The following DLL1 variants were observed in gnomAD, a reference collection of about 807,000 sequenced individuals.
DLL1 encodes delta-like protein 1.
A neutral mutation model predicts 75.1 loss-of-function variants in DLL1; 9 were observed. The ratio of observed to expected loss-of-function variants is 0.12; its 90% CI spans 0.07 to 0.21. DLL1 has a LOEUF of 0.21. Among genes scored for constraint, DLL1 ranks in the 10% least tolerant of loss-of-function variants. DLL1 has a pLI of 1.00. For synonymous variants in DLL1, 477 were observed against 418.3 expected (o/e 1.14, Z -1.71); for missense variants, 837 against 1,007.6 (o/e 0.83, Z 2.29).
intron 2 of DLL1, 147 bp downstream of exon 2, chr6:170,289,365 G>C: frequency 7.6e-7 from 1 of 1,317,452 alleles, no homozygotes; most frequent in Non-Finnish European, 1.0e-6. Flanking sequence ...GGAGTCCTGG[G>C]GCCGCCGCTA....
Position 170,283,452 on chromosome 6 carries a change from G to C in DLL1, c.1827C>G (p.Ala609=), listed in dbSNP as rs1438061753. The C allele has an allele frequency of 1.2e-6, 2 of 1,612,440 alleles. No homozygotes were observed. The highest frequency in any genetic ancestry group is 1.7e-6 in the Non-Finnish European group (2 of 1,180,030). Residue 609 remains alanine (A), a synonymous_variant, in exon 9 of 11, where the codon GCC becomes GCG. Coordinates refer to ENST00000366756, the MANE Select transcript of DLL1 (RefSeq NM_005618.4). ...TCTTGTTGGTGTTCTTGATCTGCGT[G>C]GCCCCGATGATGCTGACTGAGATGT... ...EKDISVSIIG[A]TQIKNTNKKA...
At position 170,291,054 on chromosome 6, in the gene DLL1, C is replaced by T. The variant is rs762467435; in HGVS notation, c.-915G>A. 2.8e-6 allele frequency: 2 copies of T among 702,042 alleles called. No individual in the cohort carries two copies. The highest frequency in any genetic ancestry group is 1.7e-5 in the African/African-American group (1 of 57,306). 43.5% of individuals were successfully genotyped at this position (702,042 alleles called of 1,614,324 possible). On this transcript the variant is annotated 5_prime_UTR_variant, in exon 1 of 11. Coordinates refer to ENST00000366756, the MANE Select transcript of DLL1 (RefSeq NM_005618.4). ...AGGAGCCACTTTTCCAAACCCTCCT[C>T]TCAATGGATCGCCAAATGGTCAGTG...
Position 170,282,735 on chromosome 6 carries a change from A to G in DLL1, c.*139T>C. ...CAGGCGTCGAGGACCTCAGGAGGAG[A>G]ACCTGCTCGGTCTGAACTCGGTTTC... is the stretch of plus-strand genomic sequence containing the variant. On this transcript the variant is annotated 3_prime_UTR_variant, in exon 11 of 11. Transcript: ENST00000366756. 1 of 1,456,086 alleles carries G rather than the reference A, an allele frequency of 6.9e-7. No homozygotes were observed. The highest frequency in any genetic ancestry group is 1.7e-5 in the Admixed American group (1 of 59,544). 90.2% of individuals were successfully genotyped at this position (1,456,086 alleles called of 1,614,324 possible). A position where few individuals can be genotyped will look rare whatever the true frequency, so the allele number is the denominator to read the frequency against.
At chr6:170,289,172 A>G in intron 2 of DLL1, 1 of 604,674 alleles carries the variant, frequency 1.7e-6, no homozygotes, top group Non-Finnish European at 3.0e-6. Flanking sequence ...TCGCGCCACC[A>G]ACGCGTCTAG....
At chr6:170,288,531 C>T (rs1481171040) in intron 3 of DLL1, 35 bp from the exon 4 acceptor site, 8 of 1,614,042 alleles carry the variant, frequency 5.0e-6, no homozygotes, top group South Asian at 3.3e-5. Context: ...TGGTTCTGAA[C>T]GAGAACCCTG....
At chr6:170,289,968 C>CCGGGCCGTGGCTGGCG in intron 1 of DLL1, 118 bp downstream of exon 1, 1 of 1,333,634 alleles carries the variant, frequency 7.5e-7, no homozygotes, top group Non-Finnish European at 9.6e-7. Context: ...GATTCATCTT[C>CCGGGCCGTGGCTGGCG]CGGGCCGTGG....
rs1330689257 is a variant in DLL1 at position 170,290,188 on chromosome 6, A to C, written c.-49T>G. The C allele has an allele frequency of 6.3e-7, 1 of 1,575,018 alleles. No individual in the cohort carries two copies. Among genetic ancestry groups the C allele is most frequent in the Admixed American group, 1.7e-5 (1 of 57,468 alleles). On this transcript the variant is annotated 5_prime_UTR_variant, in exon 1 of 11. Coordinates refer to ENST00000366756, the MANE Select transcript of DLL1 (RefSeq NM_005618.4). This position sits in a 1 kb window ranked among gnomAD's most constrained non-coding sequence, Gnocchi z 4.7. ...CTGGGGGGCCCCCACTTCTCTCCTT[A>C]GAACAGCGGCGGACGCGCGGGGGAT...
intron 1 of DLL1, 88 bp from the exon 2 acceptor site, chr6:170,289,896 T>C: frequency 7.0e-7 from 1 of 1,425,368 alleles, no homozygotes; most frequent in South Asian, 1.4e-5. Context: ...GCGGAGAGCC[T>C]GGAAGGGCTC....
chr6:170,284,874 G>T, intron 8 of DLL1, 45 bp downstream of exon 8: 2 of 1,591,736 alleles, frequency 1.3e-6, no homozygotes, highest in South Asian at 1.1e-5. Flanking sequence ...CCTCAGTATT[G>T]ACCGCTCGCC....
At chr6:170,286,364 T>C (rs1783694226) in intron 4 of DLL1, 66 bp from the exon 5 acceptor site, 1 of 1,598,490 alleles carries the variant, frequency 6.3e-7, no homozygotes, top group Non-Finnish European at 8.6e-7. Flanking sequence ...CTGCCGCCCT[T>C]GGGGCCAGGA....
At position 170,289,521 on chromosome 6, in the gene DLL1, G is replaced by A; in HGVS notation, c.342C>T (p.Phe114=). The part of the protein sequence containing the change: ...FSNPIRFPFG[F]TWPGTFSLII... The stretch of plus-strand genomic sequence containing the variant: ...CAGGTGCGGCACTCACCGGCCAGGT[G>A]AAGCCGAAGGGGAAGCGGATGGGGT... Residue 114 remains phenylalanine (F), a synonymous_variant, in exon 2 of 11, where the codon TTC becomes TTT. Transcript: ENST00000366756. 6.5e-7 allele frequency: 1 copy of A among 1,534,626 alleles called. No individual in the cohort carries two copies. Among genetic ancestry groups the A allele is most frequent in the South Asian group, 1.2e-5 (1 of 84,022 alleles).
Position 170,289,695 on chromosome 6 carries a change from G to A in DLL1, c.168C>T (p.Cys56=), listed in dbSNP as rs1248063937. The A allele has an allele frequency of 3.2e-6, 5 of 1,547,310 alleles. No individual in the cohort carries two copies. The highest frequency in any genetic ancestry group is 2.4e-5 in the East Asian group (1 of 40,914). ...RGGAGPPPCA[C]RTFFRVCLKH... ...TGAGGCACACGCGGAAGAAGGTCCGGCAGGCGCACGGCGGTGGCCCCGCGC... is the reference window on the plus strand; with the variant it reads ...TGAGGCACACGCGGAAGAAGGTCCGACAGGCGCACGGCGGTGGCCCCGCGC... The change falls in exon 2 of 11, where the codon TGC becomes TGT. Residue 56 remains cysteine (C), a synonymous_variant. Transcript: ENST00000366756.
At chr6:170,285,167 C>T in intron 7 of DLL1, 32 bp from the exon 8 acceptor site, 1 of 1,613,716 alleles carries the variant, frequency 6.2e-7, no homozygotes, top group Non-Finnish European at 8.5e-7. Context: ...AAAGGCTTTC[C>T]AAAGTTGCTC....
rs770360301 is a variant in DLL1 at position 170,283,308 on chromosome 6, C to T, written c.1971G>A (p.Ala657=). Residue 657 remains alanine, a synonymous_variant, in exon 9 of 11, where the codon GCG becomes GCA. Coordinates refer to ENST00000366756, the MANE Select transcript of DLL1 (RefSeq NM_005618.4). ...LKGDDTAVRD[A]HSKRDTKCQP... ...GGCACTTGGTGTCACGCTTGCTGTG[C>T]GCGTCCCTGACGGCGGTGTCGTCAC... 26 of 1,613,022 alleles carry T rather than the reference C, an allele frequency of 1.6e-5. No homozygotes were observed. The highest frequency in any genetic ancestry group is 7.7e-5 in the South Asian group (7 of 91,090).
chr6:170,290,815 C>T lies in DLL1; in HGVS notation c.-676G>A, dbSNP rs1277251276. ...CAGCCAATGCCATCCAGTACACACG[C>T]GCAGGACCGGAGGGGCCGGGCCGTG... On this transcript the variant is annotated 5_prime_UTR_variant, in exon 1 of 11. Coordinates refer to ENST00000366756, the MANE Select transcript of DLL1 (RefSeq NM_005618.4). The surrounding 1 kb of genome is among the most constrained non-coding windows in gnomAD (Gnocchi z 4.7). The T allele has an allele frequency of 1.6e-6, 1 of 608,012 alleles. No individual in the cohort carries two copies. Among genetic ancestry groups the T allele is most frequent in the African/African-American group, 1.8e-5 (1 of 54,058 alleles). 37.7% of individuals were successfully genotyped at this position (608,012 alleles called of 1,614,324 possible). A position where few individuals can be genotyped will look rare whatever the true frequency, so the allele number is the denominator to read the frequency against.
In DLL1 at chr6:170,283,545, G is replaced by A; in HGVS notation, c.1734C>T (p.Pro578=). 2 of 1,613,730 alleles carry A rather than the reference G, an allele frequency of 1.2e-6. No homozygotes were observed. Among genetic ancestry groups the A allele is most frequent in the Admixed American group, 1.7e-5 (1 of 60,032 alleles). Reference sequence around the variant, plus strand: ...TCTCCCCCCGGCAGGGGTCGGCTGGGGGCCGGTGCTTCTGCAGCCTCAGCC... The same window carrying A: ...TCTCCCCCCGGCAGGGGTCGGCTGGAGGCCGGTGCTTCTGCAGCCTCAGCC... ...CVRLRLQKHR[P]PADPCRGETE... Residue 578 remains proline (P), a synonymous_variant, in exon 9 of 11, where the codon CCC becomes CCT. Transcript: ENST00000366756.
rs1177292397 is a variant in DLL1, at chr6:170,282,727, A to G, written c.*147T>C. 5.0e-6 allele frequency: 7 copies of G among 1,390,876 alleles called. No homozygotes were observed. The highest frequency in any genetic ancestry group is 1.2e-5 in the South Asian group (1 of 85,904). The allele number at this position is 1,390,876 out of a possible 1,614,324, so 86.2% of individuals were successfully genotyped here. On this transcript the variant is annotated 3_prime_UTR_variant, in exon 11 of 11. Transcript: ENST00000366756. ...GCTGTCGGCAGGCGTCGAGGACCTCAGGAGGAGAACCTGCTCGGTCTGAAC... is the reference window on the plus strand; with the variant it reads ...GCTGTCGGCAGGCGTCGAGGACCTCGGGAGGAGAACCTGCTCGGTCTGAAC...
chr6:170,285,501 A>T (rs1346912410), intron 6 of DLL1, 68 bp downstream of exon 6: 2 of 1,614,008 alleles, frequency 1.2e-6, no homozygotes, highest in African/African-American at 1.3e-5. Flanking sequence ...TTTTCCAGTG[A>T]TCAAACAGCC....
At position 170,283,955 on chromosome 6, in the gene DLL1, C is replaced by A; in HGVS notation, c.1324G>T (p.Asp442Tyr). ...QAGFSGRHCD[D>Y]NVDDCASSPC... The stretch of plus-strand genomic sequence containing the variant: ...GAGGAGGCGCAGTCGTCCACGTTGT[C>A]GTCACAGTGCCTCCCCGAGAAGCCG... The change falls in exon 9 of 11, where the codon GAC becomes TAC. Residue 442 changes from aspartate to tyrosine, a missense_variant. Transcript: ENST00000366756. The A allele has an allele frequency of 6.3e-7, 1 of 1,590,574 alleles. No individual in the cohort carries two copies. The highest frequency in any genetic ancestry group is 8.5e-7 in the Non-Finnish European group (1 of 1,172,328).
Sources: gnomAD v4.1 joint callset for allele counts on GRCh38, gnomAD v4.1.1 for gene constraint, Gnocchi (gnomAD v3.1) non-coding constraint, MANE v1.5 for transcripts, NCBI Gene and HGNC (gene_info 2026-07-23, HGNC 2026-07-21) for gene names.